The following HIP1 variants were observed in gnomAD, a reference collection of about 807,000 sequenced individuals.
HIP1 encodes huntingtin-interacting protein 1.
A neutral mutation model predicts 147.6 loss-of-function variants in HIP1; 65 were observed. The observed-to-expected ratio is 0.44, with a 90% CI of 0.36 to 0.54. HIP1 has a LOEUF of 0.54. Among genes scored for constraint, HIP1 ranks in the 20% least tolerant of loss-of-function variants. The pLI is 0.00. For synonymous variants in HIP1, 479 were observed against 504.0 expected (o/e 0.95, Z 0.67); for missense variants, 1,061 against 1,299.6 (o/e 0.82, Z 2.82).
intron 1 of HIP1, among the ~76,000 whole-genome samples, chr7:75,608,670 A>T (rs1797317409): frequency 6.6e-6 from 1 of 152,232 alleles, no homozygotes; most frequent in Non-Finnish European, 1.5e-5. Flanking sequence ...AAGTCCAGAG[A>T]GGCAGTTTCT....
intron 19 of HIP1, among the ~76,000 whole-genome samples, 181 bp from the exon 20 acceptor site, chr7:75,554,707 C>T (rs1171509265): frequency 1.3e-5 from 2 of 152,146 alleles, no homozygotes; most frequent in Non-Finnish European, 2.9e-5. Flanking sequence ...ACAGAATTGT[C>T]TGCTCCTGGT....
chr7:75,604,862 A>G (rs1343407339), intron 1 of HIP1, among the ~76,000 whole-genome samples: 1 of 152,186 alleles, frequency 6.6e-6, no homozygotes, highest in South Asian at 2.1e-4. Context: ...ACACACGCAA[A>G]AATCTTATAG....
At chr7:75,703,590 G>A (rs142048148) in intron 1 of HIP1, among the ~76,000 whole-genome samples, 27 of 149,268 alleles carry the variant, frequency 1.8e-4, no homozygotes, top group African/African-American at 4.7e-4. Flanking sequence ...CAACAAGAGC[G>A]AAACTCCGTC....
intron 1 of HIP1, among the ~76,000 whole-genome samples, chr7:75,601,998 C>CTT (rs782403734): frequency 2.1e-5 from 3 of 142,420 alleles, no homozygotes; most frequent in Non-Finnish European, 1.5e-5. Flanking sequence ...GAAATAAAAA[C>CTT]TTTTTTTTTT....
intron 13 of HIP1, 28 bp downstream of exon 13, chr7:75,561,301 G>A (rs782806862): frequency 8.7e-6 from 13 of 1,501,478 alleles, no homozygotes; most frequent in South Asian, 2.3e-5. Context: ...TTGGTGAAGC[G>A]CAAAGGCAGA....
chr7:75,575,238 A>G (rs1176126220), intron 7 of HIP1, among the ~76,000 whole-genome samples: 1 of 152,088 alleles, frequency 6.6e-6, no homozygotes. Flanking sequence ...AGGCGGGTGG[A>G]TCGCCTGAGG....
chr7:75,542,109 T>A, intron 28 of HIP1, 129 bp from the exon 29 acceptor site: 1 of 737,990 alleles, frequency 1.4e-6, no homozygotes. Context: ...TGAAAGTAAG[T>A]GAGGGGGCCA....
chr7:75,730,965 C>T (rs879966695), intron 1 of HIP1, among the ~76,000 whole-genome samples: 1 of 150,936 alleles, frequency 6.6e-6, no homozygotes, highest in African/African-American at 2.4e-5. Flanking sequence ...GAACTCCTGG[C>T]CTCAAGTGAT....
At chr7:75,713,540 C>T (rs192459381) in intron 1 of HIP1, among the ~76,000 whole-genome samples, 2 of 152,114 alleles carry the variant, frequency 1.3e-5, no homozygotes, top group African/African-American at 4.8e-5. Context: ...CATTCTCCAC[C>T]CTCTGATGCA....
chr7:75,621,238 C>A (rs1336695781), intron 1 of HIP1, among the ~76,000 whole-genome samples: 4 of 151,984 alleles, frequency 2.6e-5, no homozygotes, highest in African/African-American at 9.7e-5. Flanking sequence ...GGAAGTGAGC[C>A]TGGTACACAC....
intron 1 of HIP1, among the ~76,000 whole-genome samples, chr7:75,600,366 C>T (rs1554502766): frequency 6.6e-6 from 1 of 152,190 alleles, no homozygotes; most frequent in Non-Finnish European, 1.5e-5. Context: ...CCACCTCTGC[C>T]TCCCAAAGTG....
rs1456388701 is a variant in HIP1 at position 75,537,891 on chromosome 7, C to G, written c.*281G>C. The G allele has an allele frequency of 8.1e-6, 4 of 495,328 alleles. No individual in the cohort carries two copies. Among genetic ancestry groups the G allele is most frequent in the Admixed American group, 7.0e-5 (2 of 28,682 alleles). The allele number at this position is 495,328 out of a possible 1,614,324, so 30.7% of individuals were successfully genotyped here. On this transcript the variant is annotated 3_prime_UTR_variant, in exon 31 of 31. Coordinates refer to ENST00000336926, the MANE Select transcript of HIP1 (RefSeq NM_005338.7). ...CTCTCTGTTGAGTGGCCCTGCCCCC[C>G]ACCACCCCTCTTCGTACCTAGGCTT...
chr7:75,533,766 G>A lies in HIP1; in HGVS notation c.*4406C>T, dbSNP rs374502352. ...TTGCTTTGGCTCCTGACAACACCAC[G>A]GTGTGGTGCTGATCTTGTATTTGGT... On this transcript the variant is annotated 3_prime_UTR_variant, in exon 31 of 31. Coordinates refer to ENST00000336926, the MANE Select transcript of HIP1 (RefSeq NM_005338.7). The A allele has an allele frequency of 1.3e-5, 3 of 232,880 alleles. No individual in the cohort carries two copies. Among genetic ancestry groups the A allele is most frequent in the African/African-American group, 2.2e-5 (1 of 45,328 alleles). The allele number at this position is 232,880 out of a possible 1,614,324, so 14.4% of individuals were successfully genotyped here. A position where few individuals can be genotyped will look rare whatever the true frequency, so the allele number is the denominator to read the frequency against.
At chr7:75,553,328 T>A in intron 22 of HIP1, 125 bp downstream of exon 22, 1 of 1,248,376 alleles carries the variant, frequency 8.0e-7, no homozygotes, top group South Asian at 1.4e-5. Context: ...TTTAACAATC[T>A]CTTTCTAGAA....
rs71098060 is a variant in HIP1, at chr7:75,673,820, CA to C, written c.120+64980del. On this transcript the variant is annotated intron_variant, in intron 1 of 30. Coordinates refer to ENST00000336926, the MANE Select transcript of HIP1 (RefSeq NM_005338.7). ...GCAACATAGCAAAGCCCTATCTCTACAAAAAAAAAAAAAAAATTAGCTGGGC... is the reference window on the plus strand; with the variant it reads ...GCAACATAGCAAAGCCCTATCTCTACAAAAAAAAAAAAAAATTAGCTGGGC... Among the ~76,000 whole-genome samples the C allele has an allele frequency of 1.9e-3, 197 of 104,320 alleles. 2 individuals are homozygous for C. The East Asian group carries it at 0.02, about 11-fold the overall frequency. The allele number at this position is 104,320 out of a possible 152,430, so 68.4% of individuals were successfully genotyped here. A position where few individuals can be genotyped will look rare whatever the true frequency, so the allele number is the denominator to read the frequency against.
intron 1 of HIP1, among the ~76,000 whole-genome samples, chr7:75,725,003 C>T (rs1554522207): frequency 6.6e-6 from 1 of 152,162 alleles, no homozygotes; most frequent in Non-Finnish European, 1.5e-5. Context: ...GTCTCCTACT[C>T]TGACTCTGTG....
intron 1 of HIP1, chr7:75,626,937 T>G (rs2117111525): frequency 6.6e-6 from 1 of 152,068 alleles, no homozygotes; most frequent in Non-Finnish European, 1.5e-5. Flanking sequence ...GAACCTACAC[T>G]AAATTGTTAA....
At chr7:75,623,131 G>A (rs1797909960) in intron 1 of HIP1, among the ~76,000 whole-genome samples, 1 of 142,152 alleles carries the variant, frequency 7.0e-6, no homozygotes, top group South Asian at 2.2e-4. Context: ...CTGGGAGACG[G>A]AAGTTGCAAT....
In HIP1 at chr7:75,610,222, T is replaced by TA. The variant is rs1491496108; in HGVS notation, c.121-10976dup. On this transcript the variant is annotated intron_variant, in intron 1 of 30. Transcript: ENST00000336926. ...CCAGCCCTTTTTTTTTTTTTTTTTTTATAAGAAACAGGGTCCTGTTCTGTC... is the reference window on the plus strand; with the variant it reads ...CCAGCCCTTTTTTTTTTTTTTTTTTTAATAAGAAACAGGGTCCTGTTCTGTC... 1.8e-4 allele frequency among the ~76,000 whole-genome samples: 25 copies of TA among 136,704 alleles called. No homozygotes were observed. The East Asian group carries it at 4.5e-3, about 25-fold the overall frequency. 89.7% of individuals were successfully genotyped at this position (136,704 alleles called of 152,430 possible).
Sources: allele counts gnomAD v4.1 joint callset (sites outside exome capture counted in the v4.1 genomes callset), GRCh38; gene constraint gnomAD v4.1.1; transcripts MANE v1.5; gene names NCBI Gene and HGNC (gene_info 2026-07-23, HGNC 2026-07-21).